Variants in PAX6 observed in about 807,000 individuals in gnomAD.
PAX6 encodes paired box 6, also known as paired box protein Pax-6.
Under a neutral mutation model 60.7 loss-of-function variants are expected in PAX6, and 7 were observed. That is an observed-to-expected ratio of 0.12 (90% CI 0.07 to 0.22). PAX6 has a LOEUF of 0.22. PAX6 is among the 10% of genes least tolerant of loss of function. The pLI is 1.00. For missense variants in PAX6, 355 were observed against 555.2 expected, an observed-to-expected ratio of 0.64 and a Z score of 3.62; for synonymous variants, 208 against 201.2, an observed-to-expected ratio of 1.03 and a Z score of -0.29.
At chr11:31,795,745 A>C (rs1422846149) in intron 8 of PAX6, among the ~76,000 whole-genome samples, 1 of 152,266 alleles carries the variant, frequency 6.6e-6, no homozygotes, top group Non-Finnish European at 1.5e-5. Context: ...CAAGATGTGC[A>C]CTTGGGCTAG....
rs752917363 is a variant in PAX6, at chr11:31,790,663, G to A, written c.1225+47C>T. 2.0e-5 allele frequency: 33 copies of A among 1,612,700 alleles called. No individual in the cohort carries two copies. In the Admixed American group the frequency reaches 5.2e-4, roughly 25 times the overall value. ...GAGATTCTGTTTGGGTAAACTTCTA[G>A]TGAAGAGAGATCGCCTCTGTGCAGC... On this transcript the variant is annotated intron_variant, in intron 13 of 13. Coordinates refer to ENST00000640368, the MANE Select transcript of PAX6 (RefSeq NM_001368894.2).
intron 8 of PAX6, among the ~76,000 whole-genome samples, chr11:31,798,945 G>C (rs1034197649): frequency 1.3e-5 from 2 of 152,220 alleles, no homozygotes; most frequent in Non-Finnish European, 2.9e-5. Flanking sequence ...ACGCACCGGG[G>C]AGAGCCCGGA....
intron 2 of PAX6, chr11:31,808,057 G>C (rs533959775): frequency 1.6e-4 from 24 of 152,324 alleles, no homozygotes; most frequent in African/African-American, 5.5e-4. Context: ...ATTGGGAAGA[G>C]AGAGTTACAA....
At chr11:31,797,508 A>G (rs12790579) in intron 8 of PAX6, among the ~76,000 whole-genome samples, 3 of 4,428 alleles carry the variant, frequency 6.8e-4, no homozygotes, top group Non-Finnish European at 1.2e-3. Flanking sequence ...TTAAATCTGG[A>G]AAAAAAAAAA....
At chr11:31,803,070 A>C in intron 4 of PAX6, 1 of 566,386 alleles carries the variant, frequency 1.8e-6, no homozygotes. Context: ...ATAAAGGACA[A>C]CAGGACCACC....
At chr11:31,816,069 C>G (rs1540319), upstream of PAX6, among the ~76,000 whole-genome samples, 28,327 of 152,238 alleles carry the variant, frequency 0.19, 2,744 homozygotes, top group East Asian at 0.3. Flanking sequence ...CGGCCAGACC[C>G]CGCTCCTCAG....
intron 1 of PAX6, chr11:31,816,672 G>A (rs1957394169): frequency 4.3e-6 from 3 of 695,004 alleles, no homozygotes; most frequent in Admixed American, 2.0e-5. Context: ...CACTGCGCTC[G>A]TCCCCCGTTT....
At chr11:31,814,580 A>G (rs945089857), upstream of PAX6, 1 of 152,268 alleles carries the variant, frequency 6.6e-6, no homozygotes, top group East Asian at 1.9e-4. Flanking sequence ...CTTGGCAGAC[A>G]CCTGCGTCAC....
At chr11:31,805,370 T>C (rs894402631) in intron 4 of PAX6, 1 of 152,414 alleles carries the variant, frequency 6.6e-6, no homozygotes, top group African/African-American at 2.4e-5. Context: ...TTGTGCCCTT[T>C]CCTCAGCTAC....
chr11:31,806,118 A>C, intron 4 of PAX6: 1 of 457,648 alleles, frequency 2.2e-6, no homozygotes. Context: ...GGTGTGAGTT[A>C]CAGGATTTGG....
chr11:31,802,668 C>A (rs761569836), intron 5 of PAX6, 36 bp downstream of exon 5: 1 of 1,597,244 alleles, frequency 6.3e-7, no homozygotes. Context: ...TGGAGGGCCG[C>A]GGGGGCGGCG....
At position 31,790,110 on chromosome 11, in the gene PAX6, A is replaced by AAAAC. The variant is rs1554982377; in HGVS notation, c.1226-92_1226-91insGTTT. ...TTTATAGGTTTACAAAAAAAAAAAA[A>AAAAC]AAAAAAAAAACTAATACTTTCTAAC... On this transcript the variant is annotated intron_variant, in intron 13 of 13. Coordinates refer to ENST00000640368, the MANE Select transcript of PAX6 (RefSeq NM_001368894.2). 699 of 799,174 alleles carry AAAAC rather than the reference A, an allele frequency of 8.7e-4. 14 individuals are homozygous for AAAAC. In the African/African-American group the frequency reaches 0.012, roughly 14 times the overall value. 49.5% of individuals were successfully genotyped at this position (799,174 alleles called of 1,614,324 possible).
At chr11:31,802,080 A>G (rs1285289877) in intron 5 of PAX6, 168 bp from the exon 6 acceptor site, 5 of 650,270 alleles carry the variant, frequency 7.7e-6, no homozygotes, top group Non-Finnish European at 1.3e-5. Flanking sequence ...ACTTTTCTTA[A>G]ACACTGCCTG....
intron 1 of PAX6, chr11:31,816,342 G>T (rs1331591565): frequency 3.6e-6 from 2 of 555,906 alleles, no homozygotes; most frequent in African/African-American, 3.8e-5. Context: ...GCCTATCACG[G>T]GCGCCCTCCG....
At chr11:31,794,436 AC>A (rs1950877610) in intron 9 of PAX6, 193 bp downstream of exon 9, 2 of 29,174 alleles carry the variant, frequency 6.9e-5, no homozygotes, top group Non-Finnish European at 1.6e-4. Context: ...ACACACACAC[AC>A]ACACACACAC....
chr11:31,802,676 G>A lies in PAX6; in HGVS notation c.141+28C>T, dbSNP rs762584494. The stretch of plus-strand genomic sequence containing the variant: ...TTGAGAGTGGAGGGCCGCGGGGGCG[G>A]CGAGTGGGGCGGCGCCGGGAGGATC... On this transcript the variant is annotated intron_variant, in intron 5 of 13. Coordinates refer to ENST00000640368, the MANE Select transcript of PAX6 (RefSeq NM_001368894.2). The A allele has an allele frequency of 3.7e-6, 6 of 1,602,670 alleles. No individual in the cohort carries two copies. In the African/African-American group the frequency reaches 5.4e-5, roughly 14 times the overall value.
rs1592342803 is a variant in PAX6 at position 31,789,385 on chromosome 11, A to G, written c.*549T>C. 3.0e-6 allele frequency: 1 copy of G among 329,630 alleles called. No individual in the cohort carries two copies. Among genetic ancestry groups the G allele is most frequent in the Non-Finnish European group, 5.5e-6 (1 of 182,838 alleles). 20.4% of individuals were successfully genotyped at this position (329,630 alleles called of 1,614,324 possible). On this transcript the variant is annotated 3_prime_UTR_variant, in exon 14 of 14. Transcript: ENST00000640368. ...TGCACATAAACTTCATCTGTTAACA[A>G]CCTTTGGAAAACCAACAGATATTTC...
At chr11:31,814,053 C>T (rs1957255644), upstream of PAX6, 2 of 152,010 alleles carry the variant, frequency 1.3e-5, no homozygotes, top group South Asian at 4.2e-4. Flanking sequence ...TTGCTGCCCT[C>T]CAAGACGCGG....
intron 2 of PAX6, chr11:31,808,111 A>G (rs1956274355): frequency 6.6e-6 from 1 of 152,170 alleles, no homozygotes; most frequent in Non-Finnish European, 1.5e-5. Context: ...AAGAGGTAAA[A>G]TAACAAAACA....
Sources: allele counts gnomAD v4.1 joint callset (sites outside exome capture counted in the v4.1 genomes callset), GRCh38; gene constraint gnomAD v4.1.1; transcripts MANE v1.5; gene names NCBI Gene and HGNC (gene_info 2026-07-23, HGNC 2026-07-21).